MRPL13: variants seen among roughly 807,000 people sequenced by gnomAD.
The protein encoded by MRPL13 is mitochondrial ribosomal protein L13, also known as large ribosomal subunit protein uL13m.
In MRPL13, 33 loss-of-function variants were observed where a neutral mutation model predicts 29.0. The ratio of observed to expected loss-of-function variants is 1.14; its 90% CI spans 0.86 to 1.52. The LOEUF (loss-of-function observed/expected upper bound fraction) is 1.52, where lower values mean the gene tolerates loss of function less well. Among genes scored for constraint, MRPL13 ranks in the 40% most tolerant of loss-of-function variants. The pLI is 0.00. For synonymous variants in MRPL13, 77 were observed against 68.4 expected, an observed-to-expected ratio of 1.13 and a Z score of -0.62; for missense variants, 227 against 216.7, an observed-to-expected ratio of 1.05 and a Z score of -0.30.
At chr8:120,403,041 CT>C (rs1314345250) in intron 6 of MRPL13, among the ~76,000 whole-genome samples, 1 of 152,184 alleles carries the variant, frequency 6.6e-6, no homozygotes, top group Non-Finnish European at 1.5e-5. Context: ...CACTTTTACA[CT>C]GTTGGTGGGA....
intron 2 of MRPL13, among the ~76,000 whole-genome samples, 166 bp downstream of exon 2, chr8:120,443,019 A>T (rs1276899168): frequency 2.6e-5 from 4 of 152,156 alleles, no homozygotes; most frequent in Admixed American, 2.6e-4. Context: ...CCAGTGAATA[A>T]GCCAAATTCA....
intron 4 of MRPL13, among the ~76,000 whole-genome samples, chr8:120,420,445 AATATATATAAAC>A (rs201309406): frequency 0.02 from 2,936 of 148,034 alleles, 99 homozygotes; most frequent in African/African-American, 0.068. Flanking sequence ...AATGTATGTA[AATATATATAAAC>A]ATATATATAA....
At chr8:120,420,955 T>C (rs1404297831) in intron 4 of MRPL13, among the ~76,000 whole-genome samples, 1 of 151,874 alleles carries the variant, frequency 6.6e-6, no homozygotes, top group Non-Finnish European at 1.5e-5. Flanking sequence ...GAAAAGATTA[T>C]AAGCTAACAG....
chr8:120,428,188 CCA>C (rs1204575279), intron 3 of MRPL13, among the ~76,000 whole-genome samples: 1 of 147,958 alleles, frequency 6.8e-6, no homozygotes, highest in Non-Finnish European at 1.5e-5. Context: ...AGAAATAAGA[CCA>C]CACACCTACA....
intron 6 of MRPL13, among the ~76,000 whole-genome samples, chr8:120,400,889 A>C (rs1812587871): frequency 6.6e-6 from 1 of 151,946 alleles, no homozygotes; most frequent in South Asian, 2.1e-4. Flanking sequence ...ATACACATAA[A>C]GTAGAAAATC....
At chr8:120,430,931 T>C (rs1485474774) in intron 3 of MRPL13, among the ~76,000 whole-genome samples, 1 of 152,252 alleles carries the variant, frequency 6.6e-6, no homozygotes, top group Non-Finnish European at 1.5e-5. Context: ...TATCACATTA[T>C]GTTATTCTGA....
At chr8:120,400,222 C>G (rs1285204692) in intron 6 of MRPL13, among the ~76,000 whole-genome samples, 1 of 152,100 alleles carries the variant, frequency 6.6e-6, no homozygotes, top group East Asian at 1.9e-4. Context: ...TAAAACTGAT[C>G]ACAGTAAGGT....
intron 4 of MRPL13, among the ~76,000 whole-genome samples, chr8:120,422,949 A>G (rs114186706): frequency 0.019 from 2,887 of 152,108 alleles, 94 homozygotes; most frequent in African/African-American, 0.066. Flanking sequence ...CACTGAGCAG[A>G]TATTATAAAT....
At chr8:120,420,984 A>G (rs9297616) in intron 4 of MRPL13, among the ~76,000 whole-genome samples, 80,330 of 151,818 alleles carry the variant, frequency 0.53, 24,547 homozygotes, top group Non-Finnish European at 0.67. Context: ...AAAGACAGAC[A>G]TACAAATGTA....
intron 3 of MRPL13, 46 bp downstream of exon 3, chr8:120,431,984 A>G: frequency 1.5e-6 from 2 of 1,305,754 alleles, no homozygotes; most frequent in Non-Finnish European, 2.1e-6. Context: ...TTCTTAAAGT[A>G]ATATATTTTA....
chr8:120,409,682 A>C (rs954443449), intron 6 of MRPL13, among the ~76,000 whole-genome samples: 2 of 152,220 alleles, frequency 1.3e-5, no homozygotes, highest in Non-Finnish European at 2.9e-5. Flanking sequence ...TATTTTCACA[A>C]AATTTATGTA....
chr8:120,414,119 T>A lies in MRPL13; in HGVS notation c.394-7A>T. 1 of 1,507,646 alleles carries A rather than the reference T, an allele frequency of 6.6e-7. No homozygotes were observed. The allele number at this position is 1,507,646 out of a possible 1,614,324, so 93.4% of individuals were successfully genotyped here. A position where few individuals can be genotyped will look rare whatever the true frequency, so the allele number is the denominator to read the frequency against. On this transcript the variant is annotated splice_region_variant and splice_polypyrimidine_tract_variant and intron_variant, in intron 5 of 6. Transcript: ENST00000306185. Reference sequence around the variant, plus strand: ...GAATATCTTCTGGAATATACTACATTAAAAAAAAATTTAGACTTAATTTTC... The same window carrying A: ...GAATATCTTCTGGAATATACTACATAAAAAAAAAATTTAGACTTAATTTTC...
chr8:120,434,264 G>A (rs1486921770), intron 2 of MRPL13, among the ~76,000 whole-genome samples: 1 of 152,004 alleles, frequency 6.6e-6, no homozygotes, highest in Admixed American at 6.6e-5. Flanking sequence ...AATTGCCTGG[G>A]AGGAAAGGAA....
At chr8:120,398,182 C>T (rs534055541) in intron 6 of MRPL13, among the ~76,000 whole-genome samples, 9 of 152,302 alleles carry the variant, frequency 5.9e-5, no homozygotes, top group African/African-American at 1.7e-4. Context: ...CCTGTCTCTC[C>T]TGACTGGGTG....
chr8:120,404,908 C>T (rs535181601), intron 6 of MRPL13, among the ~76,000 whole-genome samples: 7 of 152,074 alleles, frequency 4.6e-5, no homozygotes, highest in Non-Finnish European at 8.8e-5. Flanking sequence ...GAAGGCAGGG[C>T]CCTGATATGA....
At chr8:120,411,730 C>A (rs1812741317) in intron 6 of MRPL13, among the ~76,000 whole-genome samples, 1 of 152,038 alleles carries the variant, frequency 6.6e-6, no homozygotes, top group South Asian at 2.1e-4. Flanking sequence ...ATATTCCTGC[C>A]TCAGGGAAAT....
chr8:120,421,157 G>A (rs935939420), intron 4 of MRPL13, among the ~76,000 whole-genome samples: 1 of 151,538 alleles, frequency 6.6e-6, no homozygotes, highest in Non-Finnish European at 1.5e-5. Flanking sequence ...CAGGGTACGT[G>A]CCATTTGTGC....
chr8:120,443,952 A>G (rs1813165128), intron 1 of MRPL13, among the ~76,000 whole-genome samples: 2 of 152,046 alleles, frequency 1.3e-5, no homozygotes, highest in Non-Finnish European at 2.9e-5. Context: ...AATTCTTAGA[A>G]AATTCTAGGC....
At position 120,445,061 on chromosome 8, in the gene MRPL13, A is replaced by G; in HGVS notation, c.27+7T>C. On this transcript the variant is annotated splice_region_variant and intron_variant, in intron 1 of 6. Transcript: ENST00000306185. ...AACCCCATCAAGCCATAAGAGTCCG[A>G]GCTCACCTGGGGCGCCCTAGAGAAA... 1 of 1,613,872 alleles carries G rather than the reference A, an allele frequency of 6.2e-7. No individual in the cohort carries two copies. The highest frequency in any genetic ancestry group is 8.5e-7 in the Non-Finnish European group (1 of 1,179,918).
Sources: allele counts gnomAD v4.1 joint callset (sites outside exome capture counted in the v4.1 genomes callset), GRCh38; gene constraint gnomAD v4.1.1; transcripts MANE v1.5; gene names NCBI Gene and HGNC (gene_info 2026-07-23, HGNC 2026-07-21).